Variants in FADS2 observed in about 807,000 individuals in gnomAD.
The protein encoded by FADS2 is fatty acid desaturase 2, also known as acyl-CoA 6-desaturase.
Under a neutral mutation model 61.2 loss-of-function variants are expected in FADS2, and 18 were observed. The observed-to-expected ratio is 0.29, with a 90% CI of 0.20 to 0.44. The LOEUF is 0.44. Among genes scored for constraint, FADS2 ranks in the 20% least tolerant of loss-of-function variants. FADS2 has a pLI of 1.00. For missense variants in FADS2, 322 were observed against 572.7 expected, an observed-to-expected ratio of 0.56 and a Z score of 4.47; for synonymous variants, 203 against 223.9, an observed-to-expected ratio of 0.91 and a Z score of 0.83.
At chr11:61,846,817 G>C (rs1565332412) in intron 4 of FADS2, 2 of 152,120 alleles carry the variant, frequency 1.3e-5, no homozygotes, top group African/African-American at 4.8e-5. Context: ...AAACAGGAAA[G>C]TTCTTCTTGT....
At chr11:61,825,952 A>G (rs551143702), upstream of FADS2, 70 of 642,852 alleles carry the variant, frequency 1.1e-4, no homozygotes, top group South Asian at 1.2e-3. Context: ...TCAGCCCCCT[A>G]AAGTTCTCTC....
chr11:61,830,554 G>A (rs775646233), intron 1 of FADS2, among the ~76,000 whole-genome samples: 21 of 152,114 alleles, frequency 1.4e-4, no homozygotes, highest in Non-Finnish European at 2.5e-4. Flanking sequence ...TAATAGTCTC[G>A]TCATTTCTGG....
At chr11:61,839,372 G>A (rs2067200216) in intron 2 of FADS2, among the ~76,000 whole-genome samples, 1 of 150,904 alleles carries the variant, frequency 6.6e-6, no homozygotes, top group African/African-American at 2.4e-5. Flanking sequence ...TACCCAGGCT[G>A]GAGTGCAGTG....
intron 6 of FADS2, 26 bp downstream of exon 6, chr11:61,857,097 C>T: frequency 8.2e-6 from 13 of 1,594,872 alleles, no homozygotes; most frequent in Non-Finnish European, 1.1e-5. Flanking sequence ...CCCGAAATCA[C>T]TCTGGGACCC....
At chr11:61,829,849 G>A (rs1244690879) in intron 1 of FADS2, among the ~76,000 whole-genome samples, 1 of 152,154 alleles carries the variant, frequency 6.6e-6, no homozygotes, top group Non-Finnish European at 1.5e-5. Context: ...ATCTCATGGA[G>A]ACAGGCCTAG....
Position 61,840,638 on chromosome 11 carries a change from G to T in FADS2, c.531G>T (p.Trp177Cys). 6.2e-7 allele frequency: 1 copy of T among 1,614,176 alleles called. No individual in the cohort carries two copies. ...VLATSQAQAG[W>C]LQHDYGHLSV... Reference sequence around the variant, plus strand: ...TCTCTCCCCAGGCCCAAGCTGGATGGCTGCAACATGATTATGGCCACCTGT... The same window carrying T: ...TCTCTCCCCAGGCCCAAGCTGGATGTCTGCAACATGATTATGGCCACCTGT... Residue 177 changes from tryptophan to cysteine, a missense_variant, in exon 4 of 12, where the codon TGG (tryptophan) becomes TGT (cysteine). Trp to Cys is a radical substitution (Grantham distance 215, BLOSUM62 -2). Around this residue, in one of 3 missense-constraint regions of FADS2, gnomAD observed 221 missense variants for 427.9 expected, o/e 0.52. Transcript: ENST00000278840.
At chr11:61,826,095 A>G (rs1165630139), upstream of FADS2, 4 of 702,554 alleles carry the variant, frequency 5.7e-6, no homozygotes, top group African/African-American at 7.0e-5. Context: ...CATGGATCTG[A>G]TCACAGTACA....
In FADS2 at chr11:61,816,328, T is replaced by A. The variant is rs1272891952; in HGVS notation, c.43T>A (p.Leu15Met). 4 of 1,598,358 alleles carry A rather than the reference T, an allele frequency of 2.5e-6. No homozygotes were observed. In the South Asian group the frequency reaches 4.4e-5, roughly 18 times the overall value. ...GGGACCCTTTGTTTGTGTGTGCGTG[T>A]TGTTGGCCTCCATCCCCACTCCCCA... The change falls in exon 1 of 12, where the codon TTG (leucine) becomes ATG (methionine). Residue 15 changes from leucine to methionine, a missense_variant. Leu to Met is a conservative substitution (Grantham distance 15, BLOSUM62 2). Coordinates refer to the FADS2 transcript ENST00000257261. The surrounding 1 kb of genome is among the most constrained non-coding windows in gnomAD (Gnocchi z 7.0).
At position 61,866,298 on chromosome 11, in the gene FADS2, C is replaced by T. The variant is rs11539526; in HGVS notation, c.*609C>T. 36,446 of 287,084 alleles carry T rather than the reference C, an allele frequency of 0.13. 2,790 individuals are homozygous for T. Among genetic ancestry groups the T allele is most frequent in the African/African-American group, 0.22 (10,347 of 46,280 alleles). The allele number at this position is 287,084 out of a possible 1,614,324, so 17.8% of individuals were successfully genotyped here. A position where few individuals can be genotyped will look rare whatever the true frequency, so the allele number is the denominator to read the frequency against. ...CTTAAGATGTCCAGGGCCCCAGGCC[C>T]GCGGGCACAGCCAGCCCAAACCTTG... is the stretch of plus-strand genomic sequence containing the variant. On this transcript the variant is annotated 3_prime_UTR_variant, in exon 12 of 12. Coordinates refer to ENST00000278840, the MANE Select transcript of FADS2 (RefSeq NM_004265.4).
Position 61,816,938 on chromosome 11 carries a change from C to T in FADS2, c.141+512C>T, listed in dbSNP as rs905067592. ...GCAGCGCGCGTTCCCATTGGCCGAG[C>T]CTCGTGGCGCGGGGAGCGAGATCCC... On this transcript the variant is annotated intron_variant, in intron 1 of 11. Transcript: ENST00000257261. The surrounding 1 kb of genome is among the most constrained non-coding windows in gnomAD (Gnocchi z 7.0). 2 of 1,380,092 alleles carry T rather than the reference C, an allele frequency of 1.4e-6. No homozygotes were observed. The highest frequency in any genetic ancestry group is 7.6e-5 in the Admixed American group (2 of 26,150). The allele number at this position is 1,380,092 out of a possible 1,614,324, so 85.5% of individuals were successfully genotyped here.
Position 61,828,607 on chromosome 11 carries a change from TG to T in FADS2, c.207+15del. On this transcript the variant is annotated intron_variant, in intron 1 of 11. Transcript: ENST00000278840. The surrounding 1 kb of genome is among the most constrained non-coding windows in gnomAD (Gnocchi z 6.4). ...TGGAGAAGATGCAACGGTAAGGGTC[TG>T]GGGGCGCCCCAGCCACCCTTCTCTG... 1 of 1,608,970 alleles carries T rather than the reference TG, an allele frequency of 6.2e-7. No homozygotes were observed. The highest frequency in any genetic ancestry group is 1.1e-5 in the South Asian group (1 of 90,594).
intron 5 of FADS2, among the ~76,000 whole-genome samples, chr11:61,849,227 G>T (rs768027124): frequency 1.3e-5 from 2 of 152,104 alleles, no homozygotes; most frequent in Non-Finnish European, 2.9e-5. Flanking sequence ...GCCAGTCTAG[G>T]GTGAGGCCCC....
chr11:61,849,839 G>A (rs945796617), intron 5 of FADS2: 3 of 152,044 alleles, frequency 2.0e-5, no homozygotes, highest in Non-Finnish European at 2.9e-5. Flanking sequence ...AGACCAGCCT[G>A]GGCTACATAG....
At chr11:61,857,207 C>A in intron 6 of FADS2, 136 bp downstream of exon 6, 4 of 823,302 alleles carry the variant, frequency 4.9e-6, no homozygotes, top group Non-Finnish European at 8.1e-6. Context: ...GCCACAGCAG[C>A]CTTGCTGTGC....
chr11:61,823,544 G>A (rs1254893432), upstream of FADS2, among the ~76,000 whole-genome samples: 2 of 152,122 alleles, frequency 1.3e-5, no homozygotes, highest in Non-Finnish European at 2.9e-5. Context: ...ACAGGGTCTT[G>A]CTCTGTCTTG....
At position 61,866,338 on chromosome 11, in the gene FADS2, C is replaced by T. The variant is rs886214077; in HGVS notation, c.*649C>T. Reference sequence around the variant, plus strand: ...CCCAAACCTTGGGCCCTGGAAGAGTCCTCCACCCCATCACTAGAGTGCTCT... The same window carrying T: ...CCCAAACCTTGGGCCCTGGAAGAGTTCTCCACCCCATCACTAGAGTGCTCT... On this transcript the variant is annotated 3_prime_UTR_variant, in exon 12 of 12. Transcript: ENST00000278840. 2 of 225,388 alleles carry T rather than the reference C, an allele frequency of 8.9e-6. No individual in the cohort carries two copies. The highest frequency in any genetic ancestry group is 5.8e-5 in the Admixed American group (1 of 17,250). 14.0% of individuals were successfully genotyped at this position (225,388 alleles called of 1,614,324 possible).
In FADS2 at chr11:61,861,524, T is replaced by C. The variant is rs79654855; in HGVS notation, c.883-1448T>C. On this transcript the variant is annotated intron_variant, in intron 7 of 11. Coordinates refer to ENST00000278840, the MANE Select transcript of FADS2 (RefSeq NM_004265.4). The stretch of plus-strand genomic sequence containing the variant: ...TAACCCCATCCTCATTTTGTTTCCA[T>C]ATATGTGTAGATACACTGCACACTA... Among the ~76,000 whole-genome samples, 1,160 of 151,974 alleles carry C rather than the reference T, an allele frequency of 7.6e-3. 13 individuals are homozygous for C. Among genetic ancestry groups the C allele is most frequent in the Admixed American group, 0.021 (324 of 15,260 alleles).
rs969906602 is a variant in FADS2, at chr11:61,828,343, C to G, written c.-48C>G. 6.5e-6 allele frequency: 10 copies of G among 1,541,594 alleles called. No homozygotes were observed. In the African/African-American group the frequency reaches 1.1e-4, roughly 17 times the overall value. On this transcript the variant is annotated 5_prime_UTR_variant, in exon 1 of 12. Coordinates refer to ENST00000278840, the MANE Select transcript of FADS2 (RefSeq NM_004265.4). The surrounding 1 kb of genome is among the most constrained non-coding windows in gnomAD (Gnocchi z 6.4). ...GGCAGCCGTCTGTGCAGCGAGCAGC[C>G]GGCGCGGGGAGGCCGCAGTGCACGG... is the stretch of plus-strand genomic sequence containing the variant.
chr11:61,866,142 G>T lies in FADS2; in HGVS notation c.*453G>T. Reference sequence around the variant, plus strand: ...TAGGGGCAGGTCCTAGTCGGGCAGGGCCCCTGACCCTCCCGGCCTGGCTTC... The same window carrying T: ...TAGGGGCAGGTCCTAGTCGGGCAGGTCCCCTGACCCTCCCGGCCTGGCTTC... On this transcript the variant is annotated 3_prime_UTR_variant, in exon 12 of 12. Coordinates refer to ENST00000278840, the MANE Select transcript of FADS2 (RefSeq NM_004265.4). 2.5e-6 allele frequency: 1 copy of T among 399,138 alleles called. No individual in the cohort carries two copies. Among genetic ancestry groups the T allele is most frequent in the Non-Finnish European group, 4.4e-6 (1 of 226,890 alleles). The allele number at this position is 399,138 out of a possible 1,614,324, so 24.7% of individuals were successfully genotyped here.
Sources: gnomAD v4.1 joint callset for allele counts (sites outside exome capture counted in the v4.1 genomes callset) on GRCh38, gnomAD v4.1.1 for gene constraint, gnomAD v4.1.1 regional missense constraint, Gnocchi (gnomAD v3.1) non-coding constraint, MANE v1.5 for transcripts, NCBI Gene and HGNC (gene_info 2026-07-23, HGNC 2026-07-21) for gene names.